PLVAP: variants seen among roughly 807,000 people sequenced by gnomAD.
PLVAP encodes plasmalemma vesicle associated protein.
In PLVAP, 34 loss-of-function variants were observed where a neutral mutation model predicts 43.1. The ratio of observed to expected loss-of-function variants is 0.79; its 90% CI spans 0.60 to 1.05. PLVAP has a LOEUF of 1.05. Among genes scored for constraint, PLVAP ranks in the 50% least tolerant of loss-of-function variants. The probability of loss-of-function intolerance (pLI) is 0.00; values close to 1 mark genes in which losing one functional copy is unlikely to be tolerated. For missense variants in PLVAP, 574 were observed against 593.4 expected (o/e 0.97, Z 0.34); for synonymous variants, 241 against 237.3 (o/e 1.02, Z -0.14).
chr19:17,366,136 G>T lies in PLVAP; in HGVS notation c.429C>A (p.Cys143Ter). 1.9e-6 allele frequency: 3 copies of T among 1,614,158 alleles called. No individual in the cohort carries two copies. The highest frequency in any genetic ancestry group is 2.5e-6 in the Non-Finnish European group (3 of 1,180,024). The change falls in exon 2 of 6, where the codon TGC (cysteine) becomes TGA (stop). Residue 143 changes from cysteine to a stop codon, truncating the protein, a stop_gained. Transcript: ENST00000252590. LOFTEE classifies it high-confidence loss of function. Reference protein sequence around the residue: ...MAAIILSEKQCRDQFKDMNKS... With the variant: ...MAAIILSEKQ ...TGTTCATGTCCTTGAATTGATCTCTGCATTGCTTCTCACTCAAGATGATGG... is the reference window on the plus strand; with the variant it reads ...TGTTCATGTCCTTGAATTGATCTCTTCATTGCTTCTCACTCAAGATGATGG...
Position 17,377,318 on chromosome 19 carries a change from C to T in PLVAP, c.-30G>A. 1 of 1,560,984 alleles carries T rather than the reference C, an allele frequency of 6.4e-7. No homozygotes were observed. The highest frequency in any genetic ancestry group is 8.8e-7 in the Non-Finnish European group (1 of 1,139,862). ...TCGATCCCGCCGTCCGGTGCACCGT[C>T]CCTGCTCACCACCAGGCCTGCTCTG... On this transcript the variant is annotated 5_prime_UTR_variant, in exon 1 of 6. Transcript: ENST00000252590.
intron 5 of PLVAP, among the ~76,000 whole-genome samples, chr19:17,357,804 G>A (rs1203992636): frequency 6.6e-6 from 1 of 152,236 alleles, no homozygotes; most frequent in Non-Finnish European, 1.5e-5. Context: ...CAGCAGGCCA[G>A]AAGCCCTTCC....
intron 1 of PLVAP, among the ~76,000 whole-genome samples, chr19:17,375,596 C>G (rs1209963796): frequency 6.6e-6 from 1 of 151,144 alleles, no homozygotes; most frequent in Non-Finnish European, 1.5e-5. Context: ...AGCCAGGGCA[C>G]CAGGTCAGGG....
At chr19:17,376,865 A>G in intron 1 of PLVAP, 55 bp downstream of exon 1, 1 of 1,510,946 alleles carries the variant, frequency 6.6e-7, no homozygotes, top group Non-Finnish European at 9.0e-7. Context: ...AGGCTCAGAG[A>G]GGTGAGGGGG....
intron 3 of PLVAP, chr19:17,362,867 A>T (rs1463722111): frequency 2.0e-5 from 3 of 152,206 alleles, no homozygotes; most frequent in Non-Finnish European, 4.4e-5. Context: ...CCCAACTTAA[A>T]CACGAGTTCA....
intron 5 of PLVAP, among the ~76,000 whole-genome samples, chr19:17,352,948 C>T (rs904981663): frequency 1.7e-4 from 26 of 152,200 alleles, no homozygotes; most frequent in Non-Finnish European, 4.4e-5. Context: ...TGCCAAAGAC[C>T]CAACAATTCC....
rs1056601829 is a variant in PLVAP, at chr19:17,377,052, G to A, written c.237C>T (p.Ala79=). Residue 79 remains alanine (A), a synonymous_variant, in exon 1 of 6, where the codon GCC becomes GCT. Coordinates refer to ENST00000252590, the MANE Select transcript of PLVAP (RefSeq NM_031310.3). ...GLYSQLLGLT[A]SQSNLTKELN... ...GCTCCTTGGTCAAGTTGGACTGGGA[G>A]GCCGTGAGCCCTAGGAGCTGACTGT... 33 of 1,614,062 alleles carry A rather than the reference G, an allele frequency of 2.0e-5. No individual in the cohort carries two copies. Among genetic ancestry groups the A allele is most frequent in the Non-Finnish European group, 2.5e-5 (29 of 1,180,044 alleles).
chr19:17,352,526 C>A (rs1252587713), intron 5 of PLVAP, among the ~76,000 whole-genome samples, 158 bp from the exon 6 acceptor site: 3 of 152,054 alleles, frequency 2.0e-5, no homozygotes, highest in Non-Finnish European at 4.4e-5. Flanking sequence ...TCCTCAGAAC[C>A]CCAGGGCTCC....
chr19:17,361,720 A>G (rs2074529083), intron 3 of PLVAP, among the ~76,000 whole-genome samples: 2 of 152,110 alleles, frequency 1.3e-5, no homozygotes, highest in South Asian at 4.1e-4. Flanking sequence ...GGATCTGACC[A>G]TATCTTCAGA....
At chr19:17,366,631 T>TC (rs1345598216) in intron 1 of PLVAP, among the ~76,000 whole-genome samples, 3 of 151,500 alleles carry the variant, frequency 2.0e-5, no homozygotes, top group African/African-American at 4.8e-5. Context: ...TGAATTTCTT[T>TC]TTTTTTTTTT....
chr19:17,377,077 T>C lies in PLVAP; in HGVS notation c.212A>G (p.Tyr71Cys). Residue 71 changes from tyrosine (Y) to cysteine (C), a missense_variant, in exon 1 of 6, where the codon TAC (tyrosine) becomes TGC (cysteine). Transcript: ENST00000252590. ...QATERRAEGL[Y>C]SQLLGLTASQ... is the part of the protein sequence containing the mutation. ...GGCCGTGAGCCCTAGGAGCTGACTG[T>C]ATAGGCCCTCGGCTCGGCGCTCGGT... 6.2e-7 allele frequency: 1 copy of C among 1,614,146 alleles called. No homozygotes were observed. Among genetic ancestry groups the C allele is most frequent in the Non-Finnish European group, 8.5e-7 (1 of 1,180,026 alleles).
intron 1 of PLVAP, among the ~76,000 whole-genome samples, chr19:17,374,233 G>A (rs531827866): frequency 6.6e-6 from 1 of 152,168 alleles, no homozygotes; most frequent in South Asian, 2.1e-4. Context: ...TTGGGAGGCC[G>A]AGGCGGGTGG....
Position 17,360,806 on chromosome 19 carries a change from C to T in PLVAP, c.1206G>A (p.Arg402=), listed in dbSNP as rs764359251. The part of the protein sequence containing the change: ...TKSQPMMPVS[R]PMGPVPNPQP... ...GGGGGTTGGGGACAGGGCCCATGGGCCTTGACACTGGCATCATCGGCTGCG... is the reference window on the plus strand; with the variant it reads ...GGGGGTTGGGGACAGGGCCCATGGGTCTTGACACTGGCATCATCGGCTGCG... Residue 402 remains arginine, a synonymous_variant, in exon 4 of 6, where the codon AGG becomes AGA. Coordinates refer to ENST00000252590, the MANE Select transcript of PLVAP (RefSeq NM_031310.3). 3 of 1,613,932 alleles carry T rather than the reference C, an allele frequency of 1.9e-6. No homozygotes were observed. Among genetic ancestry groups the T allele is most frequent in the Non-Finnish European group, 2.5e-6 (3 of 1,179,884 alleles).
intron 3 of PLVAP, 50 bp from the exon 4 acceptor site, chr19:17,360,882 C>T: frequency 6.9e-7 from 1 of 1,446,418 alleles, no homozygotes; most frequent in African/African-American, 1.4e-5. Context: ...GCTTCCCAGA[C>T]AGGCTTCTGC....
chr19:17,357,428 C>T (rs1479081904), intron 5 of PLVAP, among the ~76,000 whole-genome samples: 1 of 151,876 alleles, frequency 6.6e-6, no homozygotes, highest in Admixed American at 6.6e-5. Flanking sequence ...CTTGGGAGGC[C>T]GAGGCAGGAA....
chr19:17,365,709 G>C lies in PLVAP; in HGVS notation c.756C>G (p.Asn252Lys). The change falls in exon 3 of 6, where the codon AAC becomes AAG. Residue 252 changes from asparagine (N) to lysine (K), a missense_variant. Asn to Lys is a moderately conservative substitution (Grantham distance 94). Coordinates refer to ENST00000252590, the MANE Select transcript of PLVAP (RefSeq NM_031310.3). The part of the protein sequence containing the change: ...RDSIIPRSLD[N>K]LGYNLYHPLG... ...GGGGATGGTAGAGGTTGTAACCCAG[G>C]TTGTCCAGGCTGCGTGGGATAATGG... 6.2e-7 allele frequency: 1 copy of C among 1,613,978 alleles called. No individual in the cohort carries two copies. Among genetic ancestry groups the C allele is most frequent in the Non-Finnish European group, 8.5e-7 (1 of 1,180,042 alleles).
At chr19:17,363,548 C>T (rs576630450) in intron 3 of PLVAP, among the ~76,000 whole-genome samples, 1 of 125,672 alleles carries the variant, frequency 8.0e-6, no homozygotes, top group Admixed American at 9.1e-5. Context: ...CCCCTTCCCC[C>T]CTCCCTTCCA....
intron 1 of PLVAP, among the ~76,000 whole-genome samples, chr19:17,370,425 T>TGTTC (rs1419651634): frequency 1.3e-5 from 2 of 152,210 alleles, no homozygotes; most frequent in African/African-American, 4.8e-5. Context: ...GCACAAAATG[T>TGTTC]GTTCCTTCCA....
intron 5 of PLVAP, among the ~76,000 whole-genome samples, chr19:17,357,251 G>A (rs542831778): frequency 1.9e-3 from 287 of 151,976 alleles, no homozygotes; most frequent in African/African-American, 6.0e-3. Context: ...CTGTGATTGC[G>A]CCACTGCACT....
Sources: gnomAD v4.1 joint callset for allele counts (sites outside exome capture counted in the v4.1 genomes callset) on GRCh38, gnomAD v4.1.1 for gene constraint, MANE v1.5 for transcripts, NCBI Gene and HGNC (gene_info 2026-07-23, HGNC 2026-07-21) for gene names.